The following C10orf71 variants were observed in gnomAD, a reference collection of about 807,000 sequenced individuals.
C10orf71 encodes cardiac-enriched FHL2-interacting protein.
For missense variants in C10orf71, 1,869 were observed against 1,804.5 expected, an observed-to-expected ratio of 1.04 and a Z score of -0.65; for synonymous variants, 758 against 726.3, an observed-to-expected ratio of 1.04 and a Z score of -0.70.
Position 49,326,068 on chromosome 10 carries a change from C to T in C10orf71, c.3523C>T (p.Pro1175Ser), listed in dbSNP as rs1436123947. The T allele has an allele frequency of 3.9e-6, 6 of 1,551,726 alleles. No individual in the cohort carries two copies. In the South Asian group the frequency reaches 7.1e-5, roughly 18 times the overall value. ...AGCAAGCAAGCCACCTGCAGTCCCA[C>T]CCAAAACAGAGAAAGCCCTGCGGCG... The part of the protein sequence containing the change: ...RTASKPPAVP[P>S]KTEKALRRAK... The change falls in exon 3 of 3, where the codon CCC (proline) becomes TCC (serine). Residue 1175 changes from proline (P) to serine (S), a missense_variant. By Grantham distance (74) the Pro-to-Ser change is moderately conservative. Transcript: ENST00000374144.
chr10:49,323,983 GAGA>G lies in C10orf71; in HGVS notation c.1441_1443del (p.Lys481del). ...CCCAGGACAGCTAAACGGATACCAA[GAGA>G]AGGAGCCCAGTGAATGTCAGTCTCG... is the stretch of plus-strand genomic sequence containing the variant. On this transcript the variant is annotated inframe_deletion, in exon 3 of 3. Transcript: ENST00000374144. 6.2e-7 allele frequency: 1 copy of G among 1,613,630 alleles called. No homozygotes were observed. The highest frequency in any genetic ancestry group is 8.5e-7 in the Non-Finnish European group (1 of 1,179,736).
rs369631595 is a variant in C10orf71 at position 49,326,497 on chromosome 10, G to A, written c.3952G>A (p.Ala1318Thr). ...GGTCTCCATCCCGTCCTCCGAGGGG[G>A]CCTCCCCAGAGCCGCCCCCACCGGA... Reference protein sequence around the residue: ...VKVSIPSSEGASPEPPPPDAL... With the variant: ...VKVSIPSSEGTSPEPPPPDAL... The change falls in exon 3 of 3, where the codon GCC becomes ACC. Residue 1318 changes from alanine to threonine, a missense_variant. Coordinates refer to ENST00000374144, the MANE Select transcript of C10orf71 (RefSeq NM_001135196.2). 273 of 1,550,472 alleles carry A rather than the reference G, an allele frequency of 1.8e-4. 2 individuals carry two copies. In the East Asian group the frequency reaches 5.2e-3, roughly 29 times the overall value.
chr10:49,313,115 G>A lies in C10orf71; in HGVS notation c.-247-3030G>A, dbSNP rs574504614. On this transcript the variant is annotated intron_variant, in intron 1 of 2. Transcript: ENST00000374144. Reference sequence around the variant, plus strand: ...TTAACAACAAATCACCCAGTTAAATGCTTAATTATAATTATGGTAAGTGCT... The same window carrying A: ...TTAACAACAAATCACCCAGTTAAATACTTAATTATAATTATGGTAAGTGCT... 3.3e-5 allele frequency among the ~76,000 whole-genome samples: 5 copies of A among 152,270 alleles called. No homozygotes were observed. In the East Asian group the frequency reaches 7.7e-4, roughly 24 times the overall value.
At chr10:49,316,704 G>A (rs1463814352) in intron 2 of C10orf71, among the ~76,000 whole-genome samples, 8 of 152,200 alleles carry the variant, frequency 5.3e-5, no homozygotes, top group Non-Finnish European at 1.5e-5. Context: ...AGAGCGTAGT[G>A]AAAGCTCCAC....
At chr10:49,301,689 C>G (rs1342909123) in intron 1 of C10orf71, among the ~76,000 whole-genome samples, 1 of 152,204 alleles carries the variant, frequency 6.6e-6, no homozygotes, top group Non-Finnish European at 1.5e-5. Flanking sequence ...AGGAGAAAGA[C>G]TGAAGCCAGC....
In C10orf71 at chr10:49,322,878, G is replaced by C; in HGVS notation, c.333G>C (p.Lys111Asn). The part of the protein sequence containing the change: ...QLPKYVQGEE[K>N]YPKTSPPPTP... ...CCAAGTACGTTCAGGGAGAGGAAAA[G>C]TACCCCAAAACCAGCCCCCCACCAA... Residue 111 changes from lysine to asparagine, a missense_variant, in exon 3 of 3, where the codon AAG (lysine) becomes AAC (asparagine). Transcript: ENST00000374144. The C allele has an allele frequency of 6.2e-7, 1 of 1,613,898 alleles. No homozygotes were observed. The highest frequency in any genetic ancestry group is 1.1e-5 in the South Asian group (1 of 91,074).
At chr10:49,310,703 G>A (rs532690374) in intron 1 of C10orf71, among the ~76,000 whole-genome samples, 2 of 152,166 alleles carry the variant, frequency 1.3e-5, no homozygotes, top group South Asian at 4.1e-4. Context: ...TCCCAGTATT[G>A]ACTCACTGCA....
intron 1 of C10orf71, among the ~76,000 whole-genome samples, chr10:49,308,007 C>T (rs1848845648): frequency 6.6e-6 from 1 of 152,188 alleles, no homozygotes; most frequent in East Asian, 1.9e-4. Flanking sequence ...CACTTGGAAG[C>T]TTCTGGGGAA....
chr10:49,326,654 C>G lies in C10orf71; in HGVS notation c.4109C>G (p.Ala1370Gly). ...FLRQGPRASA[A>G]RARTQSVHES... Reference sequence around the variant, plus strand: ...AGGCAGGGCCCTCGTGCCTCCGCGGCCCGCGCCAGGACCCAGAGTGTCCAC... The same window carrying G: ...AGGCAGGGCCCTCGTGCCTCCGCGGGCCGCGCCAGGACCCAGAGTGTCCAC... Residue 1370 changes from alanine to glycine, a missense_variant, in exon 3 of 3, where the codon GCC becomes GGC. Coordinates refer to ENST00000374144, the MANE Select transcript of C10orf71 (RefSeq NM_001135196.2). The G allele has an allele frequency of 6.5e-7, 1 of 1,550,356 alleles. No individual in the cohort carries two copies. The highest frequency in any genetic ancestry group is 1.4e-5 in the African/African-American group (1 of 73,174).
chr10:49,326,372 T>G lies in C10orf71; in HGVS notation c.3827T>G (p.Val1276Gly). The change falls in exon 3 of 3, where the codon GTC (valine) becomes GGC (glycine). Residue 1276 changes from valine (V) to glycine (G), a missense_variant. By Grantham distance (109) the Val-to-Gly change is moderately radical (BLOSUM62 -3). Coordinates refer to ENST00000374144, the MANE Select transcript of C10orf71 (RefSeq NM_001135196.2). ...CCCGCGTACCCCGCCACCCAGAAGG[T>G]CCTCCAGGATCCGCAGTCCGGGGAG... ...PLPAYPATQK[V>G]LQDPQSGEYF... 1 of 1,550,280 alleles carries G rather than the reference T, an allele frequency of 6.5e-7. No individual in the cohort carries two copies. Among genetic ancestry groups the G allele is most frequent in the East Asian group, 2.4e-5 (1 of 40,876 alleles).
chr10:49,322,727 G>T lies in C10orf71; in HGVS notation c.182G>T (p.Arg61Leu). 1 of 1,613,918 alleles carries T rather than the reference G, an allele frequency of 6.2e-7. No individual in the cohort carries two copies. The highest frequency in any genetic ancestry group is 1.3e-5 in the African/African-American group (1 of 75,040). The stretch of plus-strand genomic sequence containing the variant: ...CTGGCTGTGTCCCCGGATATCACCC[G>T]ACAGGTGTTTGGGACTTTTCACCAG... ...SYLAVSPDIT[R>L]QVFGTFHQRT... Residue 61 changes from arginine to leucine, a missense_variant, in exon 3 of 3, where the codon CGA (arginine) becomes CTA (leucine). Arg to Leu is a moderately radical substitution (Grantham distance 102). Coordinates refer to ENST00000374144, the MANE Select transcript of C10orf71 (RefSeq NM_001135196.2).
At chr10:49,300,712 G>A (rs544072809) in intron 1 of C10orf71, among the ~76,000 whole-genome samples, 1 of 152,280 alleles carries the variant, frequency 6.6e-6, no homozygotes, top group South Asian at 2.1e-4. Context: ...TGTGCTTATC[G>A]GGGTGATTTA....
chr10:49,326,566 G>C lies in C10orf71; in HGVS notation c.4021G>C (p.Val1341Leu). The C allele has an allele frequency of 1.9e-6, 3 of 1,550,700 alleles. No individual in the cohort carries two copies. Among genetic ancestry groups the C allele is most frequent in the Non-Finnish European group, 2.6e-6 (3 of 1,146,862 alleles). Residue 1341 changes from valine to leucine, a missense_variant, in exon 3 of 3, where the codon GTG (valine) becomes CTG (leucine). Transcript: ENST00000374144. ...PYVLYPGFQPVPVTALMPLRC... is the reference protein window; with the variant it reads ...PYVLYPGFQPLPVTALMPLRC... ...TGTGCTGTACCCCGGCTTCCAGCCAGTGCCCGTGACGGCCTTGATGCCGCT... is the reference window on the plus strand; with the variant it reads ...TGTGCTGTACCCCGGCTTCCAGCCACTGCCCGTGACGGCCTTGATGCCGCT...
At chr10:49,322,300 A>G (rs1021340334) in intron 2 of C10orf71, 102 bp from the exon 3 acceptor site, 2 of 440,850 alleles carry the variant, frequency 4.5e-6, no homozygotes, top group African/African-American at 2.0e-5. Context: ...AGTTTGACAC[A>G]TAAAATTAAC....
intron 1 of C10orf71, among the ~76,000 whole-genome samples, chr10:49,309,484 C>T (rs1427204430): frequency 6.6e-6 from 1 of 152,188 alleles, no homozygotes; most frequent in African/African-American, 2.4e-5. Context: ...TTCCAGCCTC[C>T]AGAACTGTGA....
At chr10:49,297,155 T>C (rs1031326491), upstream of C10orf71, among the ~76,000 whole-genome samples, 3 of 152,184 alleles carry the variant, frequency 2.0e-5, no homozygotes, top group Non-Finnish European at 4.4e-5. Flanking sequence ...GAATGAAACG[T>C]AAGCTGGGGA....
intron 1 of C10orf71, among the ~76,000 whole-genome samples, chr10:49,308,763 T>TA (rs1848860899): frequency 6.6e-6 from 1 of 152,208 alleles, no homozygotes; most frequent in Non-Finnish European, 1.5e-5. Flanking sequence ...GATCAATACA[T>TA]AAATAAGCTT....
At chr10:49,307,715 G>A (rs1384980837) in intron 1 of C10orf71, among the ~76,000 whole-genome samples, 1 of 152,160 alleles carries the variant, frequency 6.6e-6, no homozygotes, top group Non-Finnish European at 1.5e-5. Context: ...AGTGCTTTTT[G>A]CCCCAGAGAG....
chr10:49,300,301 C>T lies in C10orf71; in HGVS notation c.-248+1068C>T, dbSNP rs187854679. On this transcript the variant is annotated intron_variant, in intron 1 of 2. Transcript: ENST00000374144. ...ATAAAGTTGTATTGGCACACAGCCA[C>T]CTTCATTCATTTGCATATTGTCTAA... is the stretch of plus-strand genomic sequence containing the variant. Among the ~76,000 whole-genome samples the T allele has an allele frequency of 1.9e-3, 284 of 152,206 alleles. 6 individuals are homozygous for T. Among genetic ancestry groups the T allele is most frequent in the Non-Finnish European group, 2.0e-3 (136 of 68,008 alleles).
Sources: allele counts gnomAD v4.1 joint callset (sites outside exome capture counted in the v4.1 genomes callset), GRCh38; gene constraint gnomAD v4.1.1; transcripts MANE v1.5; gene names NCBI Gene and HGNC (gene_info 2026-07-23, HGNC 2026-07-21).